The following GLI2 variants were observed in gnomAD, a reference collection of about 807,000 sequenced individuals.
GLI2 encodes the protein GLI family zinc finger 2, also known as transcription activator GLI2.
In GLI2, 22 loss-of-function variants were observed where a neutral mutation model predicts 78.9. The ratio of observed to expected loss-of-function variants is 0.28; its 90% CI spans 0.20 to 0.40. GLI2 has a LOEUF of 0.40. GLI2 is among the 10% of genes least tolerant of loss of function. The probability of loss-of-function intolerance (pLI) is 1.00; values close to 1 mark genes in which losing one functional copy is unlikely to be tolerated. For missense variants in GLI2, 2,097 were observed against 2,213.2 expected (o/e 0.95, Z 1.05); for synonymous variants, 974 against 963.7 (o/e 1.01, Z -0.20).
intron 2 of GLI2, among the ~76,000 whole-genome samples, chr2:120,907,399 C>T (rs1032460526): frequency 5.9e-5 from 9 of 152,152 alleles, no homozygotes; most frequent in Admixed American, 6.5e-5. Flanking sequence ...GTGGGCTGCA[C>T]GGTGGAGACT....
chr2:120,857,395 ACCCACCCACCTACCCATCTG>A (rs1317122140), intron 2 of GLI2, among the ~76,000 whole-genome samples: 2 of 26,260 alleles, frequency 7.6e-5, no homozygotes, highest in Non-Finnish European at 1.6e-4. Flanking sequence ...CTGCCCACCC[ACCCACCCACCTACCCATCTG>A]CCCACCCACC....
intron 1 of GLI2, among the ~76,000 whole-genome samples, chr2:120,795,535 GAA>G (rs34682755): frequency 4.2e-4 from 60 of 142,838 alleles, no homozygotes; most frequent in East Asian, 8.3e-4. Flanking sequence ...ATAAAAAAAT[GAA>G]AAAAAAAAAA....
intron 2 of GLI2, among the ~76,000 whole-genome samples, chr2:120,869,942 A>T (rs1457499288): frequency 6.6e-6 from 1 of 152,176 alleles, no homozygotes; most frequent in African/African-American, 2.4e-5. Context: ...CAGAGCTCTC[A>T]CCAGTAGGTT....
intron 5 of GLI2, among the ~76,000 whole-genome samples, chr2:120,956,298 T>C (rs1042369369): frequency 6.6e-6 from 1 of 152,064 alleles, no homozygotes; most frequent in Non-Finnish European, 1.5e-5. Flanking sequence ...GAGTAGTAAC[T>C]GAGCTGGGAG....
chr2:120,990,433 G>T lies in GLI2; in HGVS notation c.4468G>T (p.Ala1490Ser), dbSNP rs1187651972. 5.6e-6 allele frequency: 9 copies of T among 1,613,858 alleles called. No individual in the cohort carries two copies. The highest frequency in any genetic ancestry group is 7.6e-6 in the Non-Finnish European group (9 of 1,179,986). Residue 1490 changes from alanine to serine, a missense_variant, in exon 14 of 14, where the codon GCC becomes TCC. By Grantham distance (99) the Ala-to-Ser change is moderately conservative. Transcript: ENST00000361492. Reference sequence around the variant, plus strand: ...CACTGTGGACTCCCAGCTCCTGGAGGCCCCCCAGATTGACTTCGATGCCAT... The same window carrying T: ...CACTGTGGACTCCCAGCTCCTGGAGTCCCCCCAGATTGACTTCGATGCCAT... Reference protein sequence around the residue: ...SSTVDSQLLEAPQIDFDAIMD... With the variant: ...SSTVDSQLLESPQIDFDAIMD...
chr2:120,968,969 G>C (rs997269735), intron 6 of GLI2, 54 bp downstream of exon 6: 1 of 1,416,340 alleles, frequency 7.1e-7, no homozygotes, highest in South Asian at 1.2e-5. Flanking sequence ...CTGAGGGCCC[G>C]GTGGGGAGGC....
intron 2 of GLI2, among the ~76,000 whole-genome samples, chr2:120,804,654 C>G (rs1031675041): frequency 6.6e-6 from 1 of 152,262 alleles, no homozygotes; most frequent in Non-Finnish European, 1.5e-5. Context: ...GCTGTTGATG[C>G]TGCTGGGCTT....
chr2:120,834,415 G>T (rs1319818605), intron 2 of GLI2, among the ~76,000 whole-genome samples: 1 of 152,318 alleles, frequency 6.6e-6, no homozygotes, highest in East Asian at 1.9e-4. Flanking sequence ...CTGAGACCTG[G>T]CCCTGGGGTG....
chr2:120,984,948 C>G (rs932087048), intron 12 of GLI2, among the ~76,000 whole-genome samples: 1 of 152,206 alleles, frequency 6.6e-6, no homozygotes, highest in Non-Finnish European at 1.5e-5. Context: ...CTGCTCTGAC[C>G]AGGCTCCTGC....
intron 1 of GLI2, among the ~76,000 whole-genome samples, chr2:120,790,069 G>A (rs1684103164): frequency 6.6e-6 from 1 of 152,224 alleles, no homozygotes; most frequent in African/African-American, 2.4e-5. Context: ...CAGTTCAAGA[G>A]GACCCTTCTT....
At chr2:120,799,500 T>G (rs922139023) in intron 2 of GLI2, among the ~76,000 whole-genome samples, 4 of 152,208 alleles carry the variant, frequency 2.6e-5, no homozygotes, top group Non-Finnish European at 5.9e-5. Context: ...CAGCTTTTTT[T>G]GGGAAGGGTC....
chr2:120,739,035 C>T (rs988042544), intron 1 of GLI2, among the ~76,000 whole-genome samples: 5 of 152,048 alleles, frequency 3.3e-5, no homozygotes, highest in South Asian at 2.1e-4. Flanking sequence ...AAGAGGGGGC[C>T]GCAGGGCTTC....
At chr2:120,807,828 G>A (rs1356954031) in intron 2 of GLI2, among the ~76,000 whole-genome samples, 1 of 151,456 alleles carries the variant, frequency 6.6e-6, no homozygotes, top group Non-Finnish European at 1.5e-5. Context: ...GGCCCTGTGT[G>A]CACGGCTTGC....
chr2:120,796,587 C>T (rs1684406123), intron 1 of GLI2, among the ~76,000 whole-genome samples: 1 of 152,206 alleles, frequency 6.6e-6, no homozygotes, highest in African/African-American at 2.4e-5. Flanking sequence ...AGAGGCCTGG[C>T]AGCGCTGCCC....
At chr2:120,968,685 T>G in intron 5 of GLI2, 29 bp from the exon 6 acceptor site, 3 of 1,523,494 alleles carry the variant, frequency 2.0e-6, no homozygotes, top group Non-Finnish European at 2.7e-6. Context: ...CCAGTGATGC[T>G]GACCTGTCTT....
intron 2 of GLI2, among the ~76,000 whole-genome samples, chr2:120,859,881 G>T (rs1409831106): frequency 6.6e-6 from 1 of 152,060 alleles, no homozygotes; most frequent in African/African-American, 2.4e-5. Flanking sequence ...TGGAGCTCCT[G>T]ACCTCAGACG....
At chr2:120,743,621 C>G (rs1051441484) in intron 1 of GLI2, among the ~76,000 whole-genome samples, 2 of 152,168 alleles carry the variant, frequency 1.3e-5, no homozygotes, top group Non-Finnish European at 2.9e-5. Flanking sequence ...AGGAAGAGCA[C>G]AAGAGTGATG....
intron 1 of GLI2, among the ~76,000 whole-genome samples, chr2:120,766,095 T>TG (rs1322290354): frequency 4.6e-5 from 7 of 152,148 alleles, no homozygotes; most frequent in Non-Finnish European, 1.0e-4. Flanking sequence ...TGCATCACGA[T>TG]GGGGAGGGTT....
chr2:120,899,785 G>A (rs1297026955), intron 2 of GLI2, among the ~76,000 whole-genome samples: 1 of 152,202 alleles, frequency 6.6e-6, no homozygotes, highest in Admixed American at 6.5e-5. Flanking sequence ...TTAGAAATGA[G>A]GTTTGTACAG....
Sources: gnomAD v4.1 joint callset for allele counts (sites outside exome capture counted in the v4.1 genomes callset) on GRCh38, gnomAD v4.1.1 for gene constraint, MANE v1.5 for transcripts, NCBI Gene and HGNC (gene_info 2026-07-23, HGNC 2026-07-21) for gene names.